DYNC2H1: variants seen among roughly 807,000 people sequenced by gnomAD.
DYNC2H1 encodes dynein cytoplasmic 2 heavy chain 1.
Under a neutral mutation model 570.0 loss-of-function variants are expected in DYNC2H1, and 410 were observed. The observed-to-expected ratio is 0.72, with a 90% CI of 0.66 to 0.78. The LOEUF (loss-of-function observed/expected upper bound fraction) is 0.78. Ranked by LOEUF, DYNC2H1 falls within the 30% of genes least tolerant of loss-of-function variation. DYNC2H1 has a pLI of 0.00. For synonymous variants in DYNC2H1, 1,688 were observed against 1,677.6 expected, an observed-to-expected ratio of 1.01 and a Z score of -0.15; for missense variants, 4,865 against 5,046.4, an observed-to-expected ratio of 0.96 and a Z score of 1.09.
chr11:103,220,437 T>A (rs1265435368), intron 56 of DYNC2H1, among the ~76,000 whole-genome samples, 186 bp from the exon 57 acceptor site: 3 of 152,194 alleles, frequency 2.0e-5, no homozygotes, highest in Admixed American at 2.0e-4. Context: ...TGGCAAGACG[T>A]CTTACTGTCT....
chr11:103,117,087 T>C (rs1344258364), intron 5 of DYNC2H1, among the ~76,000 whole-genome samples: 1 of 150,266 alleles, frequency 6.7e-6, no homozygotes, highest in African/African-American at 2.4e-5. Context: ...TACATAAGGT[T>C]ATATGTACAA....
chr11:103,457,022 A>G (rs992165755), intron 87 of DYNC2H1, among the ~76,000 whole-genome samples: 8 of 152,222 alleles, frequency 5.3e-5, no homozygotes, highest in Non-Finnish European at 1.0e-4. Flanking sequence ...TGTCAATGAC[A>G]GGTTGCACAT....
chr11:103,115,803 C>CA (rs960985425), intron 4 of DYNC2H1, among the ~76,000 whole-genome samples: 10 of 151,488 alleles, frequency 6.6e-5, no homozygotes, highest in African/African-American at 7.3e-5. Context: ...AAACAAAAAA[C>CA]AAAAAAAACC....
At chr11:103,404,345 G>A (rs1331724961) in intron 84 of DYNC2H1, 1 of 151,310 alleles carries the variant, frequency 6.6e-6, no homozygotes, top group Non-Finnish European at 1.5e-5. Context: ...CGAATGTGTG[G>A]TAAGGTGGTG....
At position 103,199,045 on chromosome 11, in the gene DYNC2H1, A is replaced by G. The variant is rs1862613293; in HGVS notation, c.7840-183A>G. Among the ~76,000 whole-genome samples, 1 of 152,142 alleles carries G rather than the reference A, an allele frequency of 6.6e-6. No homozygotes were observed. Among genetic ancestry groups the G allele is most frequent in the East Asian group, 1.9e-4 (1 of 5,196 alleles). The stretch of plus-strand genomic sequence containing the variant: ...GTTTGACATGAGTTTTTCCTTAGAG[A>G]ATGCCAATATATTTATCCAGGATTA... On this transcript the variant is annotated intron_variant, in intron 48 of 88. Transcript: ENST00000375735. This position sits in a 1 kb window ranked among gnomAD's most constrained non-coding sequence, Gnocchi z 4.6.
rs796400774 is a variant in DYNC2H1, at chr11:103,432,659, C to CA, written c.12367-3274dup. 6.7e-4 allele frequency among the ~76,000 whole-genome samples: 70 copies of CA among 104,138 alleles called. No individual in the cohort carries two copies. The South Asian group carries it at 9.9e-3, about 15-fold the overall frequency. 68.3% of individuals were successfully genotyped at this position (104,138 alleles called of 152,430 possible). ...TAAACAGCAAGCAATAAGTCATCAG[C>CA]AAAAAAAAAATTGAGAAATGCTCAT... On this transcript the variant is annotated intron_variant, in intron 84 of 88. Coordinates refer to ENST00000375735, the MANE Select transcript of DYNC2H1 (RefSeq NM_001377.3).
rs79832792 is a variant in DYNC2H1, at chr11:103,188,499, A to G, written c.7143A>G (p.Val2381=). The G allele has an allele frequency of 5.8e-4, 926 of 1,591,156 alleles. 6 individuals carry two copies. The East Asian group carries it at 0.018, about 31-fold the overall frequency. Reference sequence around the variant, plus strand: ...AAAATATATTTATTTTCAAATAGGTATTGACGTATCAAGGATTTTATGATG... The same window carrying G: ...AAAATATATTTATTTTCAAATAGGTGTTGACGTATCAAGGATTTTATGATG... ...TSTLVAFLQQ[V]LTYQGFYDEN... The change falls in exon 44 of 89, where the codon GTA becomes GTG. Residue 2381 remains valine, a splice_region_variant and synonymous_variant. Transcript: ENST00000375735.
Position 103,177,820 on chromosome 11 carries a change from G to C in DYNC2H1, c.6139G>C (p.Asp2047His). The change falls in exon 38 of 89, where the codon GAT becomes CAT. Residue 2047 changes from aspartate (D) to histidine (H), a missense_variant and splice_region_variant. By Grantham distance (81) the Asp-to-His change is moderately conservative. Transcript: ENST00000375735. This position sits in a 1 kb window ranked among gnomAD's most constrained non-coding sequence, Gnocchi z 4.4. The stretch of plus-strand genomic sequence containing the variant: ...TCGTCAAGTGGTTCGGGAACCTCAA[G>C]GTTAGTCTCTATGTATACTTCTTTG... ...SARQVVREPQDVSSWIICDGD... is the reference protein window; with the variant it reads ...SARQVVREPQHVSSWIICDGD... The C allele has an allele frequency of 6.2e-7, 1 of 1,607,544 alleles. No individual in the cohort carries two copies. Among genetic ancestry groups the C allele is most frequent in the Non-Finnish European group, 8.5e-7 (1 of 1,177,694 alleles).
chr11:103,191,030 T>TA (rs1565382007), intron 45 of DYNC2H1, among the ~76,000 whole-genome samples: 1,953 of 113,954 alleles, frequency 0.017, 52 homozygotes, highest in African/African-American at 0.057. Context: ...ATATATATAT[T>TA]TTTTTTCTTT....
At chr11:103,332,312 GAAA>G (rs71962098) in intron 82 of DYNC2H1, among the ~76,000 whole-genome samples, 12,483 of 122,512 alleles carry the variant, frequency 0.1, 627 homozygotes, top group African/African-American at 0.17. Flanking sequence ...AAAAAACTGG[GAAA>G]AAAAAAAAAA....
At chr11:103,242,001 G>A (rs1403664235) in intron 63 of DYNC2H1, among the ~76,000 whole-genome samples, 2 of 151,856 alleles carry the variant, frequency 1.3e-5, no homozygotes, top group African/African-American at 4.8e-5. Context: ...CCTCCCTCTT[G>A]GTGTGCCACT....
intron 88 of DYNC2H1, among the ~76,000 whole-genome samples, chr11:103,475,938 G>A (rs1274399234): frequency 6.6e-6 from 1 of 152,104 alleles, no homozygotes; most frequent in Non-Finnish European, 1.5e-5. Flanking sequence ...TTTGATCATA[G>A]AAGTAATGGA....
intron 78 of DYNC2H1, 41 bp downstream of exon 78, chr11:103,307,872 C>A: frequency 1.6e-6 from 2 of 1,212,482 alleles, no homozygotes; most frequent in Non-Finnish European, 2.4e-6. Context: ...TGTATGAAAG[C>A]AGTACTCTAT....
Position 103,479,315 on chromosome 11 carries a change from C to G in DYNC2H1, c.*62C>G. On this transcript the variant is annotated 3_prime_UTR_variant, in exon 89 of 89. Coordinates refer to ENST00000375735, the MANE Select transcript of DYNC2H1 (RefSeq NM_001377.3). ...AACATTGATTCTTTAAGCTTTAAAT[C>G]AAACATGTGGTCAGTCTACATTTGA... The G allele has an allele frequency of 2.6e-6, 4 of 1,544,842 alleles. No individual in the cohort carries two copies. Among genetic ancestry groups the G allele is most frequent in the Non-Finnish European group, 3.5e-6 (4 of 1,141,330 alleles).
At chr11:103,148,261 T>C (rs547914575) in intron 19 of DYNC2H1, among the ~76,000 whole-genome samples, 2 of 152,300 alleles carry the variant, frequency 1.3e-5, no homozygotes, top group Non-Finnish European at 2.9e-5. Context: ...ATTTTAAGCT[T>C]TTCTTAAAAT....
chr11:103,222,189 A>G (rs1317236340), intron 58 of DYNC2H1, 36 bp downstream of exon 58: 22 of 1,370,208 alleles, frequency 1.6e-5, no homozygotes, highest in Non-Finnish European at 2.0e-5. Context: ...TTGTTTTTCC[A>G]TACCATATAA....
Position 103,125,274 on chromosome 11 carries a change from G to A in DYNC2H1, c.1836G>A (p.Lys612=). The change falls in exon 12 of 89, where the codon AAG becomes AAA. Residue 612 remains lysine, a synonymous_variant. Coordinates refer to ENST00000375735, the MANE Select transcript of DYNC2H1 (RefSeq NM_001377.3). ...CAAACATTGCACAGAAATTCTGCAA[G>A]CAAGCAATTATTCTTAAACAAGTAT... The part of the protein sequence containing the change: ...QVANIAQKFC[K]QAIILKQVAH... 1 of 1,604,270 alleles carries A rather than the reference G, an allele frequency of 6.2e-7. No individual in the cohort carries two copies. The highest frequency in any genetic ancestry group is 8.5e-7 in the Non-Finnish European group (1 of 1,175,124).
chr11:103,126,540 A>G (rs990047122), intron 12 of DYNC2H1, among the ~76,000 whole-genome samples: 1 of 152,132 alleles, frequency 6.6e-6, no homozygotes, highest in African/African-American at 2.4e-5. Flanking sequence ...GATCTAACTG[A>G]GGATCAGATG....
In DYNC2H1 at chr11:103,189,433, A is replaced by G. The variant is rs902437980; in HGVS notation, c.7293-239A>G. Reference sequence around the variant, plus strand: ...AAGATCAGTGATATGTTTTAACATAATTTCTTGGGGTTCTCTAACACCTTC... The same window carrying G: ...AAGATCAGTGATATGTTTTAACATAGTTTCTTGGGGTTCTCTAACACCTTC... On this transcript the variant is annotated intron_variant, in intron 44 of 88. Coordinates refer to ENST00000375735, the MANE Select transcript of DYNC2H1 (RefSeq NM_001377.3). This position sits in a 1 kb window ranked among gnomAD's most constrained non-coding sequence, Gnocchi z 4.3. 6.6e-6 allele frequency among the ~76,000 whole-genome samples: 1 copy of G among 152,060 alleles called. No homozygotes were observed. The highest frequency in any genetic ancestry group is 2.4e-5 in the African/African-American group (1 of 41,410).
Sources: allele counts gnomAD v4.1 joint callset (sites outside exome capture counted in the v4.1 genomes callset), GRCh38; gene constraint gnomAD v4.1.1; non-coding constraint Gnocchi (gnomAD v3.1); transcripts MANE v1.5; gene names NCBI Gene and HGNC (gene_info 2026-07-23, HGNC 2026-07-21).